The following UNC5D variants were observed in gnomAD, a reference collection of about 807,000 sequenced individuals.
UNC5D encodes unc-5 netrin receptor D, also known as netrin receptor UNC5D.
In UNC5D, 39 loss-of-function variants were observed where a neutral mutation model predicts 105.4. The observed-to-expected ratio is 0.37, with a 90% CI of 0.29 to 0.48. The LOEUF (loss-of-function observed/expected upper bound fraction) is 0.48, where lower values mean the gene tolerates loss of function less well. Ranked by LOEUF, UNC5D falls within the 20% of genes least tolerant of loss-of-function variation. The probability of loss-of-function intolerance (pLI) is 0.98; values close to 1 mark genes in which losing one functional copy is unlikely to be tolerated. For synonymous variants in UNC5D, 452 were observed against 450.4 expected (o/e 1.00, Z -0.04); for missense variants, 991 against 1,202.4 (o/e 0.82, Z 2.60).
chr8:35,433,639 T>A (rs1029764127), intron 1 of UNC5D, among the ~76,000 whole-genome samples: 5 of 152,036 alleles, frequency 3.3e-5, no homozygotes, highest in Non-Finnish European at 7.4e-5. Context: ...AATTCTTATA[T>A]CTTTTTAATT....
chr8:35,587,123 C>T (rs1680959651), intron 3 of UNC5D, among the ~76,000 whole-genome samples: 1 of 152,124 alleles, frequency 6.6e-6, no homozygotes, highest in Admixed American at 6.5e-5. Flanking sequence ...CCGGCTTTGT[C>T]ACCTCTCCCT....
At chr8:35,508,930 T>C (rs1226153188) in intron 1 of UNC5D, among the ~76,000 whole-genome samples, 1 of 152,182 alleles carries the variant, frequency 6.6e-6, no homozygotes, top group Non-Finnish European at 1.5e-5. Flanking sequence ...TTAGTGAGCA[T>C]TTTGTCAAAA....
intron 4 of UNC5D, among the ~76,000 whole-genome samples, chr8:35,680,881 TAGG>T (rs972066402): frequency 1.3e-5 from 2 of 152,150 alleles, no homozygotes; most frequent in Admixed American, 6.5e-5. Flanking sequence ...GCGGGGAACA[TAGG>T]AGAAGTGCTT....
Position 35,413,292 on chromosome 8 carries a change from T to TGTGTGTGTGTGTGTTGTG in UNC5D, c.104-136000_104-135999insGTGTGTGTGTGTGTTGTG, listed in dbSNP as rs56157732. 5.8e-3 allele frequency among the ~76,000 whole-genome samples: 742 copies of TGTGTGTGTGTGTGTTGTG among 128,018 alleles called. 3 individuals carry two copies. Among genetic ancestry groups the TGTGTGTGTGTGTGTTGTG allele is most frequent in the African/African-American group, 0.012 (377 of 32,662 alleles). 84.0% of individuals were successfully genotyped at this position (128,018 alleles called of 152,430 possible). ...GTGTGTGTGTGTGTGTGTGTGTGTG[T>TGTGTGTGTGTGTGTTGTG]TGTGTGTGTGTGTGTGTTTTCTCTC... is the stretch of plus-strand genomic sequence containing the variant. On this transcript the variant is annotated intron_variant, in intron 1 of 16. Transcript: ENST00000404895.
chr8:35,515,121 A>G (rs182933685), intron 1 of UNC5D, among the ~76,000 whole-genome samples: 1 of 152,220 alleles, frequency 6.6e-6, no homozygotes. Flanking sequence ...AACCTGCAGC[A>G]TGGCAAATGA....
chr8:35,743,675 T>C (rs1586572254), intron 11 of UNC5D, among the ~76,000 whole-genome samples: 2 of 152,256 alleles, frequency 1.3e-5, no homozygotes, highest in East Asian at 3.9e-4. Flanking sequence ...CTGTGTGTCC[T>C]ACACTCAGAT....
intron 4 of UNC5D, among the ~76,000 whole-genome samples, chr8:35,620,454 G>C (rs1196218195): frequency 6.6e-6 from 1 of 152,122 alleles, no homozygotes; most frequent in African/African-American, 2.4e-5. Context: ...AGGGGCTTTT[G>C]TGTTCTCTTG....
At chr8:35,591,650 C>T (rs773485068) in intron 3 of UNC5D, among the ~76,000 whole-genome samples, 13 of 152,214 alleles carry the variant, frequency 8.5e-5, no homozygotes, top group Non-Finnish European at 1.8e-4. Context: ...CTCCCTCTGA[C>T]AATCTCATTG....
chr8:35,752,669 C>G (rs117402676), intron 13 of UNC5D, among the ~76,000 whole-genome samples: 2,195 of 152,212 alleles, frequency 0.014, 32 homozygotes, highest in South Asian at 0.045. Context: ...AAGAGGATTG[C>G]TCCAAGAGAA....
At chr8:35,596,212 G>A (rs189275248) in intron 4 of UNC5D, among the ~76,000 whole-genome samples, 9 of 152,102 alleles carry the variant, frequency 5.9e-5, no homozygotes, top group Admixed American at 4.6e-4. Context: ...CCTTCACAGC[G>A]AGGTGTCTAG....
intron 1 of UNC5D, among the ~76,000 whole-genome samples, chr8:35,263,521 A>T (rs756346253): frequency 2.9e-4 from 44 of 152,162 alleles, no homozygotes; most frequent in Non-Finnish European, 4.9e-4. Context: ...CAGCCTGCTG[A>T]GTAGCTAGGA....
chr8:35,590,267 A>G (rs1444546522), intron 3 of UNC5D, among the ~76,000 whole-genome samples: 2 of 152,102 alleles, frequency 1.3e-5, no homozygotes, highest in Non-Finnish European at 2.9e-5. Context: ...AATTTTGACA[A>G]AACACTACCT....
intron 8 of UNC5D, among the ~76,000 whole-genome samples, chr8:35,718,755 A>G (rs971384063): frequency 9.9e-5 from 15 of 152,144 alleles, no homozygotes; most frequent in Non-Finnish European, 1.9e-4. Context: ...TGGGAGAGGA[A>G]GACTTTGCAC....
intron 8 of UNC5D, among the ~76,000 whole-genome samples, chr8:35,715,038 C>T (rs1052589960): frequency 6.6e-6 from 1 of 152,178 alleles, no homozygotes; most frequent in Admixed American, 6.5e-5. Context: ...GTAATTCCAG[C>T]TGCTCGGGAG....
intron 1 of UNC5D, among the ~76,000 whole-genome samples, chr8:35,487,593 A>ACACACACACACACACACACCCCC (rs1415748793): frequency 1.1e-4 from 17 of 150,472 alleles, no homozygotes; most frequent in African/African-American, 4.2e-4. Flanking sequence ...ACACACACAC[A>ACACACACACACACACACACCCCC]CCCCACAGAC....
At chr8:35,502,424 T>C (rs868668101) in intron 1 of UNC5D, among the ~76,000 whole-genome samples, 1 of 152,232 alleles carries the variant, frequency 6.6e-6, no homozygotes, top group African/African-American at 2.4e-5. Flanking sequence ...CAGATGACCA[T>C]GGGAGCTCCC....
chr8:35,568,697 C>T (rs1437341274), intron 3 of UNC5D, among the ~76,000 whole-genome samples: 6 of 152,206 alleles, frequency 3.9e-5, no homozygotes, highest in African/African-American at 1.4e-4. Context: ...CATCTCAAAA[C>T]ATAAATAAAT....
chr8:35,768,243 T>C (rs1053799608), intron 15 of UNC5D, among the ~76,000 whole-genome samples: 3 of 152,116 alleles, frequency 2.0e-5, no homozygotes, highest in Non-Finnish European at 4.4e-5. Context: ...TTCCAAAGGA[T>C]TGTGCCTTAA....
intron 4 of UNC5D, among the ~76,000 whole-genome samples, chr8:35,603,276 A>T (rs945923816): frequency 6.6e-6 from 1 of 151,942 alleles, no homozygotes; most frequent in Non-Finnish European, 1.5e-5. Context: ...GAACATCTTT[A>T]TTTCTGTCTT....
Sources: allele counts gnomAD v4.1 joint callset (sites outside exome capture counted in the v4.1 genomes callset), GRCh38; gene constraint gnomAD v4.1.1; transcripts MANE v1.5; gene names NCBI Gene and HGNC (gene_info 2026-07-23, HGNC 2026-07-21).